PRRC2C: variants seen among roughly 807,000 people sequenced by gnomAD.
The protein encoded by PRRC2C is protein PRRC2C.
In PRRC2C, 72 loss-of-function variants were observed where a neutral mutation model predicts 317.2. The observed-to-expected ratio is 0.23, with a 90% CI of 0.19 to 0.28. PRRC2C has a LOEUF of 0.28. Ranked by LOEUF, PRRC2C falls within the 10% of genes least tolerant of loss-of-function variation. PRRC2C has a pLI of 1.00. For missense variants in PRRC2C, 3,074 were observed against 3,459.7 expected (o/e 0.89, Z 2.80); for synonymous variants, 1,296 against 1,205.9 (o/e 1.07, Z -1.55).
intron 15 of PRRC2C, 107 bp from the exon 16 acceptor site, chr1:171,539,864 A>C (rs1677640139): frequency 1.0e-6 from 1 of 954,928 alleles, no homozygotes; most frequent in Non-Finnish European, 1.6e-6. Context: ...GATTCTCATT[A>C]TGGTTAAGAG....
chr1:171,574,872 C>T lies in PRRC2C; in HGVS notation c.6754-55C>T, dbSNP rs1234684731. 18 of 1,389,646 alleles carry T rather than the reference C, an allele frequency of 1.3e-5. No homozygotes were observed. The Admixed American group carries it at 1.5e-4, about 12-fold the overall frequency. The allele number at this position is 1,389,646 out of a possible 1,614,324, so 86.1% of individuals were successfully genotyped here. ...AAATACTGATACATGTATATACATA[C>T]GTATATTCTGTATTAACATCATTTT... On this transcript the variant is annotated intron_variant, in intron 24 of 34. Transcript: ENST00000647382.
At chr1:171,539,738 A>G (rs112469360) in intron 15 of PRRC2C, among the ~76,000 whole-genome samples, 4 of 152,292 alleles carry the variant, frequency 2.6e-5, no homozygotes, top group Non-Finnish European at 4.4e-5. Context: ...ATAATATTCT[A>G]TTGTATGTGT....
At chr1:171,536,683 A>G (rs1302628398) in intron 14 of PRRC2C, among the ~76,000 whole-genome samples, 1 of 152,194 alleles carries the variant, frequency 6.6e-6, no homozygotes, top group Admixed American at 6.5e-5. Context: ...TTAGGGGGAA[A>G]AAAAGTGAAT....
At position 171,532,637 on chromosome 1, in the gene PRRC2C, C is replaced by T. The variant is rs374981644; in HGVS notation, c.1549C>T (p.Arg517Cys). The change falls in exon 12 of 35, where the codon CGT (arginine) becomes TGT (cysteine). Residue 517 changes from arginine (R) to cysteine (C), a missense_variant. Physicochemically the swap from Arg to Cys is radical, Grantham distance 180 (BLOSUM62 -3). This residue lies in a region of PRRC2C where 1,320 missense variants were observed against 1,395.7 expected (regional missense o/e 0.95). Coordinates refer to ENST00000647382, the MANE Select transcript of PRRC2C (RefSeq NM_001387844.1). ...AAGGGAGCGAGAAAAAGAACGGGAG[C>T]GTGAGAAAGAACTTGAAAAAGAACA... ...REREREKEREREKELEKEQEQ... is the reference protein window; with the variant it reads ...REREREKERECEKELEKEQEQ... 1.9e-4 allele frequency: 301 copies of T among 1,550,652 alleles called. No homozygotes were observed. The highest frequency in any genetic ancestry group is 2.4e-4 in the Non-Finnish European group (280 of 1,146,974).
At position 171,512,054 on chromosome 1, in the gene PRRC2C, G is replaced by T. The variant is rs1032577595; in HGVS notation, c.-35G>T. 6.2e-6 allele frequency: 8 copies of T among 1,286,182 alleles called. No homozygotes were observed. In the African/African-American group the frequency reaches 1.0e-4, roughly 17 times the overall value. The allele number at this position is 1,286,182 out of a possible 1,614,324, so 79.7% of individuals were successfully genotyped here. A position where few individuals can be genotyped will look rare whatever the true frequency, so the allele number is the denominator to read the frequency against. ...AAGGACTGGGGTTTTAAGGGGTGTG[G>T]CAGGAGGTTTTGGACTCGATGAGTT... On this transcript the variant is annotated 5_prime_UTR_variant, in exon 2 of 35. Transcript: ENST00000647382.
intron 6 of PRRC2C, among the ~76,000 whole-genome samples, chr1:171,518,837 T>C (rs896451049): frequency 1.2e-4 from 18 of 151,520 alleles, no homozygotes; most frequent in Admixed American, 5.3e-4. Context: ...TTTAAACATG[T>C]ACAAAAATAA....
chr1:171,542,489 A>G (rs1197433171), intron 16 of PRRC2C, among the ~76,000 whole-genome samples: 1 of 152,218 alleles, frequency 6.6e-6, no homozygotes. Flanking sequence ...AAATGTTCAC[A>G]TCTAAGGAGG....
chr1:171,529,388 A>G (rs1675356034), intron 11 of PRRC2C, among the ~76,000 whole-genome samples: 1 of 152,300 alleles, frequency 6.6e-6, no homozygotes, highest in South Asian at 2.1e-4. Flanking sequence ...TGTCCAAACC[A>G]TAACACACAC....
intron 23 of PRRC2C, among the ~76,000 whole-genome samples, chr1:171,569,719 C>T (rs1293685689): frequency 6.7e-6 from 1 of 150,054 alleles, no homozygotes; most frequent in East Asian, 2.0e-4. Flanking sequence ...ATGAAATATT[C>T]AATCAGTAAG....
chr1:171,486,500 T>TA (rs2101989887), intron 1 of PRRC2C, among the ~76,000 whole-genome samples: 1 of 152,232 alleles, frequency 6.6e-6, no homozygotes, highest in Non-Finnish European at 1.5e-5. Flanking sequence ...GAGACATTGA[T>TA]AGAGTCTTCC....
At chr1:171,513,519 GTC>G in intron 3 of PRRC2C, 2 of 452,520 alleles carry the variant, frequency 4.4e-6, no homozygotes, top group African/African-American at 2.0e-5. Context: ...AAGGATGTCT[GTC>G]TGCCAATTTA....
intron 20 of PRRC2C, among the ~76,000 whole-genome samples, chr1:171,564,583 A>G (rs955193271): frequency 6.6e-6 from 1 of 152,226 alleles, no homozygotes; most frequent in Non-Finnish European, 1.5e-5. Context: ...GCTTAACAAC[A>G]GAGATACGTC....
Position 171,487,354 on chromosome 1 carries a change from C to A in PRRC2C, c.-58+1619C>A, listed in dbSNP as rs528575568. On this transcript the variant is annotated intron_variant, in intron 1 of 34. Transcript: ENST00000647382. ...ACCCAAAGGGGATGCTCTAAACCTTCAACCTGCTTTTTAAATTATAAACTA... is the reference window on the plus strand; with the variant it reads ...ACCCAAAGGGGATGCTCTAAACCTTAAACCTGCTTTTTAAATTATAAACTA... Among the ~76,000 whole-genome samples the A allele has an allele frequency of 1.3e-5, 2 of 152,334 alleles. 1 individual carries two copies. The highest frequency in any genetic ancestry group is 4.8e-5 in the African/African-American group (2 of 41,580).
chr1:171,540,520 TA>T lies in PRRC2C; in HGVS notation c.3060del (p.Lys1020AsnfsTer7). 1 of 1,612,908 alleles carries T rather than the reference TA, an allele frequency of 6.2e-7. No homozygotes were observed. Among genetic ancestry groups the T allele is most frequent in the Non-Finnish European group, 8.5e-7 (1 of 1,179,644 alleles). On this transcript the variant is annotated frameshift_variant, in exon 16 of 35. Transcript: ENST00000647382. LOFTEE classifies it high-confidence loss of function. Reference sequence around the variant, plus strand: ...GACCTGTGAGAAGATCAGGTCCCATTAAAAAACCTGTACTTAGAGATATGAA... The same window carrying T: ...GACCTGTGAGAAGATCAGGTCCCATTAAAAACCTGTACTTAGAGATATGAA... ...DRPVRRSGPI[K>X]KPVLRDMKEE...
chr1:171,527,914 A>T, intron 11 of PRRC2C, 70 bp downstream of exon 11: 2 of 1,311,676 alleles, frequency 1.5e-6, no homozygotes. Flanking sequence ...AAAGACACCA[A>T]ATTTTTTATT....
intron 18 of PRRC2C, among the ~76,000 whole-genome samples, chr1:171,556,640 GTT>G (rs1185928557): frequency 1.3e-5 from 2 of 152,222 alleles, no homozygotes; most frequent in Non-Finnish European, 2.9e-5. Flanking sequence ...CCAAGGCAAA[GTT>G]GAGTTGATTT....
At chr1:171,587,555 C>A in intron 31 of PRRC2C, 93 bp from the exon 32 acceptor site, 1 of 864,940 alleles carries the variant, frequency 1.2e-6, no homozygotes, top group Non-Finnish European at 1.8e-6. Flanking sequence ...TTTGCCCTTT[C>A]CTAGATTACG....
intron 18 of PRRC2C, among the ~76,000 whole-genome samples, chr1:171,553,422 TCA>T (rs1348023317): frequency 6.6e-6 from 1 of 152,098 alleles, no homozygotes; most frequent in African/African-American, 2.4e-5. Flanking sequence ...GCTCCTAGAT[TCA>T]TTGATTTTTT....
At chr1:171,562,096 A>G (rs1206865310) in intron 20 of PRRC2C, among the ~76,000 whole-genome samples, 1 of 152,264 alleles carries the variant, frequency 6.6e-6, no homozygotes, top group Non-Finnish European at 1.5e-5. Context: ...AGTTTAATAT[A>G]GGGTGACCAC....
Sources: allele counts gnomAD v4.1 joint callset (sites outside exome capture counted in the v4.1 genomes callset), GRCh38; gene constraint gnomAD v4.1.1; regional missense constraint gnomAD v4.1.1; transcripts MANE v1.5; gene names NCBI Gene and HGNC (gene_info 2026-07-23, HGNC 2026-07-21).